Variants in INO80D observed in about 807,000 individuals in gnomAD.
INO80D encodes INO80 complex subunit D.
Under a neutral mutation model 87.6 loss-of-function variants are expected in INO80D, and 21 were observed. The ratio of observed to expected loss-of-function variants is 0.24; its 90% CI spans 0.17 to 0.35. The LOEUF (loss-of-function observed/expected upper bound fraction) is 0.35. Ranked by LOEUF, INO80D falls within the 10% of genes least tolerant of loss-of-function variation. The probability of loss-of-function intolerance (pLI) is 1.00; values close to 1 mark genes in which losing one functional copy is unlikely to be tolerated. For missense variants in INO80D, 982 were observed against 1,280.7 expected (o/e 0.77, Z 3.56); for synonymous variants, 440 against 491.0 (o/e 0.90, Z 1.37).
At position 206,003,645 on chromosome 2, in the gene INO80D, GA is replaced by G. The variant is rs1365567134; in HGVS notation, c.*722del. 1 of 152,326 alleles carries G rather than the reference GA, an allele frequency of 6.6e-6. No homozygotes were observed. The highest frequency in any genetic ancestry group is 1.5e-5 in the Non-Finnish European group (1 of 68,176). 9.4% of individuals were successfully genotyped at this position (152,326 alleles called of 1,614,324 possible). On this transcript the variant is annotated 3_prime_UTR_variant, in exon 11 of 11. Coordinates refer to ENST00000403263, the MANE Select transcript of INO80D (RefSeq NM_017759.5). The stretch of plus-strand genomic sequence containing the variant: ...CCCTATTCAGGAAACTTGAGGAAAA[GA>G]AGGACCAACCTTATTAGGACTGTGA...
At chr2:206,007,506 C>T in intron 9 of INO80D, 65 bp from the exon 10 acceptor site, 12 of 1,506,374 alleles carry the variant, frequency 8.0e-6, no homozygotes, top group Non-Finnish European at 9.8e-6. Context: ...ACCACCAAGC[C>T]AAGTTCATTC....
At chr2:206,073,365 G>A (rs1472543069) in intron 1 of INO80D, among the ~76,000 whole-genome samples, 1 of 152,126 alleles carries the variant, frequency 6.6e-6, no homozygotes, top group Non-Finnish European at 1.5e-5. Flanking sequence ...TACTAAAGGT[G>A]AAGTTCACAT....
At chr2:206,016,019 C>G (rs1688309607) in intron 8 of INO80D, among the ~76,000 whole-genome samples, 1 of 152,174 alleles carries the variant, frequency 6.6e-6, no homozygotes, top group Non-Finnish European at 1.5e-5. Context: ...CACAGAGTCC[C>G]TACTGGGACA....
chr2:206,012,445 CA>C (rs1688202709), intron 8 of INO80D, among the ~76,000 whole-genome samples: 2 of 152,132 alleles, frequency 1.3e-5, no homozygotes, highest in Admixed American at 1.3e-4. Context: ...CCCCCTATGG[CA>C]GGGGGATATG....
At chr2:206,069,674 A>G (rs1262294010) in intron 1 of INO80D, among the ~76,000 whole-genome samples, 1 of 152,192 alleles carries the variant, frequency 6.6e-6, no homozygotes, top group African/African-American at 2.4e-5. Context: ...TCTCCTTTAG[A>G]TAACATTTCT....
chr2:206,074,910 G>C (rs1206582255), intron 1 of INO80D, among the ~76,000 whole-genome samples: 1 of 151,822 alleles, frequency 6.6e-6, no homozygotes, highest in African/African-American at 2.4e-5. Flanking sequence ...TTGCACTCCA[G>C]CCTGGACGAC....
At chr2:206,021,073 C>T (rs1335892939) in intron 6 of INO80D, among the ~76,000 whole-genome samples, 2 of 152,106 alleles carry the variant, frequency 1.3e-5, no homozygotes, top group African/African-American at 2.4e-5. Context: ...ATCCCATCTA[C>T]GTGACTCTAT....
chr2:206,067,489 G>A (rs751976038), intron 1 of INO80D, among the ~76,000 whole-genome samples: 2 of 152,034 alleles, frequency 1.3e-5, no homozygotes, highest in African/African-American at 2.4e-5. Context: ...ACAAAAAAAT[G>A]ATGCTTGAGA....
chr2:206,035,552 C>T (rs1288409172), intron 5 of INO80D, among the ~76,000 whole-genome samples: 2 of 152,068 alleles, frequency 1.3e-5, no homozygotes, highest in African/African-American at 4.8e-5. Context: ...GAGAATGAAA[C>T]CGGATCCTCT....
At chr2:206,065,699 C>A (rs1689796652) in intron 1 of INO80D, among the ~76,000 whole-genome samples, 1 of 152,022 alleles carries the variant, frequency 6.6e-6, no homozygotes. Context: ...GAAAAAAATA[C>A]AACCAATTCA....
intron 8 of INO80D, among the ~76,000 whole-genome samples, chr2:206,011,735 A>G (rs1688181765): frequency 6.6e-6 from 1 of 152,240 alleles, no homozygotes; most frequent in African/African-American, 2.4e-5. Flanking sequence ...AATGTATTCA[A>G]CAATTACTTA....
intron 6 of INO80D, among the ~76,000 whole-genome samples, chr2:206,023,699 A>G (rs1176837221): frequency 6.6e-6 from 1 of 151,826 alleles, no homozygotes; most frequent in Non-Finnish European, 1.5e-5. Context: ...AAAAAAAAAA[A>G]AAAGTTGCCA....
At chr2:206,082,805 G>C (rs972546256) in intron 1 of INO80D, among the ~76,000 whole-genome samples, 1 of 152,170 alleles carries the variant, frequency 6.6e-6, no homozygotes, top group Non-Finnish European at 1.5e-5. Flanking sequence ...TGAATAAATA[G>C]TTTAGCATTT....
Position 206,004,353 on chromosome 2 carries a change from AACAC to A in INO80D, c.*11_*14del. 1 of 1,574,562 alleles carries A rather than the reference AACAC, an allele frequency of 6.4e-7. No homozygotes were observed. The highest frequency in any genetic ancestry group is 8.6e-7 in the Non-Finnish European group (1 of 1,159,014). On this transcript the variant is annotated 3_prime_UTR_variant, in exon 11 of 11. Transcript: ENST00000403263. This position sits in a 1 kb window ranked among gnomAD's most constrained non-coding sequence, Gnocchi z 4.9. ...ACACTGGGTTCCCCACCTGCCTGCA[AACAC>A]ACAGACACCCTCAGTTAGGGGAGGG...
At chr2:206,074,306 T>C (rs549833803) in intron 1 of INO80D, among the ~76,000 whole-genome samples, 2 of 152,222 alleles carry the variant, frequency 1.3e-5, no homozygotes, top group South Asian at 4.1e-4. Flanking sequence ...AACATAACCA[T>C]ATACTAGAAT....
At position 205,994,023 on chromosome 2, in the gene INO80D, T is replaced by A. The variant is rs913471637; in HGVS notation, c.*10345A>T. The A allele has an allele frequency of 6.6e-6, 1 of 152,052 alleles. No homozygotes were observed. Among genetic ancestry groups the A allele is most frequent in the Admixed American group, 6.6e-5 (1 of 15,258 alleles). 9.4% of individuals were successfully genotyped at this position (152,052 alleles called of 1,614,324 possible). A position where few individuals can be genotyped will look rare whatever the true frequency, so the allele number is the denominator to read the frequency against. On this transcript the variant is annotated 3_prime_UTR_variant, in exon 11 of 11. Transcript: ENST00000403263. ...CCATCTCTTCTTGTTTAAAGGGAAA[T>A]TACAAACCAAAAGTCAATCGCCTCC...
intron 5 of INO80D, among the ~76,000 whole-genome samples, chr2:206,044,227 CAGAGATTCCTCTT>C (rs1415082404): frequency 6.6e-6 from 1 of 151,964 alleles, no homozygotes; most frequent in Non-Finnish European, 1.5e-5. Flanking sequence ...AAATACAGGA[CAGAGATTCCTCTT>C]AGAGGGCAGA....
In INO80D at chr2:205,996,313, A is replaced by T. The variant is rs1575780503; in HGVS notation, c.*8055T>A. On this transcript the variant is annotated 3_prime_UTR_variant, in exon 11 of 11. Transcript: ENST00000403263. ...GACAGAATTAAGGGGGAAAAAAACC[A>T]CAATGATGTGTGATTTTTTTTTTTT... is the stretch of plus-strand genomic sequence containing the variant. The T allele has an allele frequency of 6.7e-6, 1 of 149,770 alleles. No homozygotes were observed. Among genetic ancestry groups the T allele is most frequent in the Non-Finnish European group, 1.5e-5 (1 of 67,350 alleles). 9.3% of individuals were successfully genotyped at this position (149,770 alleles called of 1,614,324 possible).
chr2:206,043,823 C>T (rs1168625418), intron 5 of INO80D, among the ~76,000 whole-genome samples: 2 of 152,172 alleles, frequency 1.3e-5, no homozygotes, highest in Non-Finnish European at 2.9e-5. Flanking sequence ...CCATTTTCTA[C>T]TACACTGAAA....
Sources: gnomAD v4.1 joint callset for allele counts (sites outside exome capture counted in the v4.1 genomes callset) on GRCh38, gnomAD v4.1.1 for gene constraint, Gnocchi (gnomAD v3.1) non-coding constraint, MANE v1.5 for transcripts, NCBI Gene and HGNC (gene_info 2026-07-23, HGNC 2026-07-21) for gene names.